TMEM164: variants seen among roughly 807,000 people sequenced by gnomAD.
TMEM164 encodes RP13-360B22.2.
TMEM164 carries 4 observed loss-of-function variants against 18.8 expected under a neutral mutation model. The ratio of observed to expected loss-of-function variants is 0.21; its 90% CI spans 0.10 to 0.49. TMEM164 has a LOEUF of 0.49. Ranked by LOEUF, TMEM164 falls within the 20% of genes least tolerant of loss-of-function variation. The pLI, the probability that TMEM164 is intolerant of heterozygous loss-of-function variation, is 0.98. For missense variants in TMEM164, 108 were observed against 239.9 expected (o/e 0.45, Z 3.63); for synonymous variants, 86 against 101.7 (o/e 0.85, Z 0.93).
intron 3 of TMEM164, among the ~76,000 whole-genome samples, chrX:110,101,579 G>GTTT (rs2066110775): frequency 1.0e-5 from 1 of 100,384 alleles, no homozygotes; most frequent in African/African-American, 4.0e-5. Context: ...TGGTTTTATT[G>GTTT]ATTTTTTTTT....
chrX:110,111,666 GCT>G (rs2066292233), intron 4 of TMEM164, among the ~76,000 whole-genome samples: 2 of 112,077 alleles, frequency 1.8e-5, no homozygotes, highest in African/African-American at 6.5e-5. Flanking sequence ...GCCACCTTCA[GCT>G]CTCTTTCTAG....
At chrX:110,154,411 T>C (rs2066987851) in intron 5 of TMEM164, among the ~76,000 whole-genome samples, 1 of 110,974 alleles carries the variant, frequency 9.0e-6, no homozygotes, top group Non-Finnish European at 1.9e-5. Context: ...GTCCCTTTAC[T>C]AGAGTTTATT....
intron 4 of TMEM164, among the ~76,000 whole-genome samples, chrX:110,119,170 T>TA (rs1036054005): frequency 3.6e-5 from 4 of 112,440 alleles, no homozygotes; most frequent in Admixed American, 9.4e-5. Flanking sequence ...GTATAAATTT[T>TA]AAAAAAATCA....
chrX:110,138,353 A>G (rs1170526181), intron 4 of TMEM164, among the ~76,000 whole-genome samples: 1 of 112,282 alleles, frequency 8.9e-6, no homozygotes, highest in Non-Finnish European at 1.9e-5. Flanking sequence ...ATTTGCCCAA[A>G]GTTGTATAGA....
chrX:110,128,612 C>T (rs2066568703), intron 4 of TMEM164, among the ~76,000 whole-genome samples: 1 of 111,666 alleles, frequency 9.0e-6, no homozygotes, highest in Non-Finnish European at 1.9e-5. Flanking sequence ...GTTATAACTT[C>T]AAACTCTGCC....
chrX:110,072,050 C>G (rs2065600213), intron 3 of TMEM164, among the ~76,000 whole-genome samples: 1 of 110,670 alleles, frequency 9.0e-6, no homozygotes, highest in African/African-American at 3.3e-5. Context: ...CCTGTAATCC[C>G]AGCACTTTGG....
At chrX:110,025,419 A>G (rs1266161560) in intron 2 of TMEM164, among the ~76,000 whole-genome samples, 8 of 111,839 alleles carry the variant, frequency 7.2e-5, no homozygotes, top group African/African-American at 2.6e-4. Context: ...GTTAAAAACC[A>G]GATGGCATCA....
rs188805991 is a variant in TMEM164 at position 110,040,058 on chromosome X, A to G, written c.391-27289A>G. ...GCTCATTCATAGATATTAAAATAAA[A>G]TGTTAAGTGGGCTTCCTTCTAAGAG... On this transcript the variant is annotated intron_variant, in intron 2 of 6. Transcript: ENST00000372068. 2.0e-3 allele frequency among the ~76,000 whole-genome samples: 224 copies of G among 112,004 alleles called. 1 individual carries two copies. Among genetic ancestry groups the G allele is most frequent in the South Asian group, 3.3e-3 (9 of 2,707 alleles).
intron 3 of TMEM164, among the ~76,000 whole-genome samples, chrX:110,076,271 T>A (rs767366113): frequency 3.3e-4 from 37 of 111,207 alleles, no homozygotes; most frequent in African/African-American, 1.0e-3. Context: ...ATAGAAGTGT[T>A]CATAGTAGTC....
chrX:110,084,393 G>C (rs28532774), intron 3 of TMEM164, among the ~76,000 whole-genome samples: 10 of 4,176 alleles, frequency 2.4e-3, no homozygotes, highest in Non-Finnish European at 3.1e-3. Context: ...TATATATATA[G>C]TATAGTATAT....
At chrX:110,161,675 T>C (rs1310190698) in intron 5 of TMEM164, among the ~76,000 whole-genome samples, 1 of 112,520 alleles carries the variant, frequency 8.9e-6, no homozygotes, top group Non-Finnish European at 1.9e-5. Flanking sequence ...TCCCCTTCAC[T>C]GGCAGCTTTT....
At position 110,176,722 on chromosome X, in the gene TMEM164, C is replaced by CT. The variant is rs966285579; in HGVS notation, c.*3272dup. ...GGCAGGGCAGTGCCCTGGGGGTAAG[C>CT]TAGGTGGCTCAGGGAGTGGCAGAAG... is the stretch of plus-strand genomic sequence containing the variant. On this transcript the variant is annotated 3_prime_UTR_variant, in exon 7 of 7. Coordinates refer to ENST00000372068, the MANE Select transcript of TMEM164 (RefSeq NM_032227.4). The CT allele has an allele frequency of 3.6e-5, 4 of 111,240 alleles. No individual in the cohort carries two copies. The highest frequency in any genetic ancestry group is 6.5e-5 in the African/African-American group (2 of 30,552). 9.2% of individuals were successfully genotyped at this position (111,240 alleles called of 1,213,427 possible). A position where few individuals can be genotyped will look rare whatever the true frequency, so the allele number is the denominator to read the frequency against.
chrX:110,057,932 T>TGCTA (rs1489428647), intron 2 of TMEM164, among the ~76,000 whole-genome samples: 1 of 112,449 alleles, frequency 8.9e-6, no homozygotes, highest in Admixed American at 9.5e-5. Flanking sequence ...CTATATAGCT[T>TGCTA]TTTAGGTTGA....
At position 110,024,256 on chromosome X, in the gene TMEM164, GA is replaced by G. The variant is rs35111307; in HGVS notation, c.390+20095del. Among the ~76,000 whole-genome samples the G allele has an allele frequency of 4.5e-5, 5 of 111,362 alleles. No homozygotes were observed. The East Asian group carries it at 8.4e-4, about 19-fold the overall frequency. On this transcript the variant is annotated intron_variant, in intron 2 of 6. Coordinates refer to ENST00000372068, the MANE Select transcript of TMEM164 (RefSeq NM_032227.4). The stretch of plus-strand genomic sequence containing the variant: ...TTCAGTGAGCTTCTTGCTAACATCA[GA>G]AAGTACTAGCTTTCCTTTTTTGTTG...
At chrX:110,084,411 GTGTA>G (rs1364489378) in intron 3 of TMEM164, among the ~76,000 whole-genome samples, 1 of 372 alleles carries the variant, frequency 2.7e-3, no homozygotes, top group African/African-American at 5.9e-3. Flanking sequence ...TATATATATA[GTGTA>G]TATATATATA....
intron 2 of TMEM164, among the ~76,000 whole-genome samples, chrX:110,023,295 T>C (rs747025537): frequency 9.0e-6 from 1 of 111,371 alleles, no homozygotes; most frequent in Admixed American, 9.5e-5. Flanking sequence ...AAGCTCAGTG[T>C]GTTTATGACT....
chrX:110,054,664 A>G (rs5985440), intron 2 of TMEM164, among the ~76,000 whole-genome samples: 52,727 of 110,490 alleles, frequency 0.48, 10,265 homozygotes, highest in Non-Finnish European at 0.62. Context: ...CTAGTTGGCC[A>G]GCTGCTCTGA....
downstream of TMEM164, among the ~76,000 whole-genome samples, chrX:110,183,662 C>T (rs1160090547): frequency 2.7e-5 from 3 of 112,447 alleles, no homozygotes; most frequent in Admixed American, 2.8e-4. Flanking sequence ...TGGGAAAAAG[C>T]TCAGTCTCTG....
chrX:110,002,551 C>G (rs187271386), upstream of TMEM164: 8 of 103,375 alleles, frequency 7.7e-5, no homozygotes, highest in African/African-American at 2.5e-4. Flanking sequence ...GGGGCGAGAG[C>G]TGAACTGGAC....
Sources: gnomAD v4.1 joint callset for allele counts (sites outside exome capture counted in the v4.1 genomes callset) on GRCh38, gnomAD v4.1.1 for gene constraint, MANE v1.5 for transcripts, NCBI Gene and HGNC (gene_info 2026-07-23, HGNC 2026-07-21) for gene names.